RNLS: variants seen among roughly 807,000 people sequenced by gnomAD.
RNLS encodes the protein renalase.
RNLS carries 39 observed loss-of-function variants against 39.8 expected under a neutral mutation model. That is an observed-to-expected ratio of 0.98 (90% CI 0.76 to 1.28). The LOEUF (loss-of-function observed/expected upper bound fraction) is 1.28, where lower values mean the gene tolerates loss of function less well. Ranked by LOEUF, RNLS falls within the 50% of genes most tolerant of loss-of-function variation. RNLS has a pLI of 0.00. For missense variants in RNLS, 410 were observed against 413.3 expected (o/e 0.99, Z 0.07); for synonymous variants, 147 against 150.7 (o/e 0.98, Z 0.18).
At chr10:88,202,730 T>C in the RNLS span, among the ~76,000 whole-genome samples, 2 of 152,212 alleles carry the variant, frequency 1.3e-5, no homozygotes, top group Non-Finnish European at 2.9e-5. Context: ...GACAGCAGGA[T>C]TCGGGCAGGT....
At chr10:88,195,175 TAAAAGG>T in the RNLS span, among the ~76,000 whole-genome samples, 9 of 152,166 alleles carry the variant, frequency 5.9e-5, no homozygotes. Context: ...TTTTGAGACT[TAAAAGG>T]AAAAGTAAAA....
At chr10:88,579,804 G>A (rs1850429969) in intron 3 of RNLS, among the ~76,000 whole-genome samples, 1 of 152,116 alleles carries the variant, frequency 6.6e-6, no homozygotes, top group Admixed American at 6.5e-5. Flanking sequence ...TACATATTTG[G>A]TCAAACACTA....
At chr10:88,235,553 A>G in the RNLS span, among the ~76,000 whole-genome samples, 1 of 152,180 alleles carries the variant, frequency 6.6e-6, no homozygotes, top group Non-Finnish European at 1.5e-5. Flanking sequence ...TATCATATCA[A>G]CTTCAAGATT....
chr10:88,526,121 G>A (rs1042249826), intron 4 of RNLS, among the ~76,000 whole-genome samples: 2 of 151,786 alleles, frequency 1.3e-5, no homozygotes, highest in African/African-American at 2.4e-5. Context: ...CTCAACTACT[G>A]CAAATAAAAA....
chr10:88,225,231 A>C, the RNLS span, among the ~76,000 whole-genome samples: 1 of 152,030 alleles, frequency 6.6e-6, no homozygotes, highest in African/African-American at 2.4e-5. Context: ...AAAGACAAAA[A>C]ATTATTCAGC....
At chr10:88,234,160 G>A in the RNLS span, among the ~76,000 whole-genome samples, 6 of 150,946 alleles carry the variant, frequency 4.0e-5, no homozygotes, top group African/African-American at 1.2e-4. Flanking sequence ...TTGGGAGCAG[G>A]GAGGGAGAAG....
At chr10:88,433,271 G>A (rs1855246170) in intron 4 of RNLS, among the ~76,000 whole-genome samples, 1 of 152,028 alleles carries the variant, frequency 6.6e-6, no homozygotes, top group Non-Finnish European at 1.5e-5. Flanking sequence ...CTTTCTGAAA[G>A]ATGAAAAATT....
At chr10:88,504,951 G>A (rs1265528891) in intron 4 of RNLS, among the ~76,000 whole-genome samples, 1 of 151,566 alleles carries the variant, frequency 6.6e-6, no homozygotes, top group African/African-American at 2.4e-5. Context: ...GGATCTGGGG[G>A]GAGATGATGA....
chr10:88,343,917 TCTC>T (rs1351381473), intron 5 of RNLS: 6 of 636,390 alleles, frequency 9.4e-6, no homozygotes, highest in Non-Finnish European at 9.8e-6. Context: ...TCACTGGAGT[TCTC>T]CTTCCACAAT....
intron 4 of RNLS, among the ~76,000 whole-genome samples, chr10:88,465,118 G>A (rs1053253441): frequency 6.6e-5 from 10 of 152,006 alleles, no homozygotes; most frequent in African/African-American, 2.4e-4. Context: ...CCTCCTAATT[G>A]AATACTCAAT....
At chr10:88,566,765 C>T (rs1051608018) in intron 4 of RNLS, among the ~76,000 whole-genome samples, 4 of 152,056 alleles carry the variant, frequency 2.6e-5, no homozygotes, top group Admixed American at 2.6e-4. Flanking sequence ...TTTGTAGATA[C>T]TCTGAGATCA....
At chr10:88,509,030 T>G (rs1055841598) in intron 4 of RNLS, among the ~76,000 whole-genome samples, 2 of 152,058 alleles carry the variant, frequency 1.3e-5, no homozygotes, top group East Asian at 3.9e-4. Flanking sequence ...GGCTGGTTCA[T>G]AAACCCCTTC....
chr10:88,307,371 G>C (rs956926644), intron 6 of RNLS, among the ~76,000 whole-genome samples: 2 of 152,180 alleles, frequency 1.3e-5, no homozygotes, highest in Non-Finnish European at 1.5e-5. Flanking sequence ...AATAGGAAGA[G>C]GAAGTTGAAC....
At chr10:88,562,769 GA>G (rs1220648675) in intron 4 of RNLS, among the ~76,000 whole-genome samples, 4 of 151,722 alleles carry the variant, frequency 2.6e-5, no homozygotes, top group Admixed American at 6.6e-5. Context: ...TCTATCAAAA[GA>G]AAAAAATAAA....
intron 4 of RNLS, among the ~76,000 whole-genome samples, chr10:88,486,708 AT>A (rs1844547921): frequency 6.6e-6 from 1 of 152,180 alleles, no homozygotes; most frequent in Non-Finnish European, 1.5e-5. Context: ...AGTTAAAAAA[AT>A]AACAGATGCT....
At chr10:88,469,977 T>G (rs1434385715) in intron 4 of RNLS, among the ~76,000 whole-genome samples, 1 of 151,808 alleles carries the variant, frequency 6.6e-6, no homozygotes, top group Non-Finnish European at 1.5e-5. Flanking sequence ...ATATCTCATA[T>G]ATATTTATAT....
intron 4 of RNLS, among the ~76,000 whole-genome samples, chr10:88,536,726 C>T (rs1847782676): frequency 6.6e-6 from 1 of 152,140 alleles, no homozygotes; most frequent in South Asian, 2.1e-4. Context: ...CATGGCCTCC[C>T]TCCTCAAGTC....
chr10:88,383,890 G>A (rs2133536712), intron 4 of RNLS, among the ~76,000 whole-genome samples: 1 of 152,158 alleles, frequency 6.6e-6, no homozygotes, highest in Admixed American at 6.5e-5. Flanking sequence ...AGATGGGCAT[G>A]GGCAATTGAT....
the RNLS span, among the ~76,000 whole-genome samples, chr10:88,175,808 A>G: frequency 6.6e-6 from 1 of 152,114 alleles, no homozygotes. Context: ...TTTTCTGTCC[A>G]GATGTGTTCA....
Sources: allele counts gnomAD v4.1 joint callset (sites outside exome capture counted in the v4.1 genomes callset), GRCh38; gene constraint gnomAD v4.1.1; transcripts MANE v1.5; gene names NCBI Gene and HGNC (gene_info 2026-07-23, HGNC 2026-07-21).